Variants in DSE observed in about 807,000 individuals in gnomAD.
The protein encoded by DSE is dermatan sulfate epimerase.
A neutral mutation model predicts 84.4 loss-of-function variants in DSE; 36 were observed. That is an observed-to-expected ratio of 0.43 (90% confidence interval 0.33 to 0.56). The LOEUF (loss-of-function observed/expected upper bound fraction) is 0.56, where lower values mean the gene tolerates loss of function less well. Among genes scored for constraint, DSE ranks in the 20% least tolerant of loss-of-function variants. The pLI, the probability that DSE is intolerant of heterozygous loss-of-function variation, is 0.06. For synonymous variants in DSE, 410 were observed against 430.1 expected (o/e 0.95, Z 0.58); for missense variants, 862 against 1,169.6 (o/e 0.74, Z 3.84).
chr6:116,405,272 A>T (rs1404900547), intron 2 of DSE, among the ~76,000 whole-genome samples: 1 of 152,178 alleles, frequency 6.6e-6, no homozygotes, highest in African/African-American at 2.4e-5. Flanking sequence ...GTTAAAACTG[A>T]AAATCAAAAG....
At chr6:116,349,285 T>C (rs1778179438) in intron 2 of DSE, among the ~76,000 whole-genome samples, 1 of 152,138 alleles carries the variant, frequency 6.6e-6, no homozygotes, top group South Asian at 2.1e-4. Flanking sequence ...CAGTATGGCT[T>C]AGTGATTGGA....
intron 2 of DSE, among the ~76,000 whole-genome samples, chr6:116,300,126 A>T (rs904015392): frequency 1.3e-5 from 2 of 152,214 alleles, no homozygotes; most frequent in African/African-American, 4.8e-5. Flanking sequence ...AGACCTTCAC[A>T]TATTCCAGAA....
intron 2 of DSE, among the ~76,000 whole-genome samples, chr6:116,351,954 GTTC>G (rs1416801747): frequency 1.3e-5 from 2 of 152,124 alleles, no homozygotes; most frequent in African/African-American, 4.8e-5. Context: ...AGTAACTGCA[GTTC>G]TTCTATCCCA....
chr6:116,431,275 G>T, intron 4 of DSE, 82 bp downstream of exon 4: 1 of 1,531,760 alleles, frequency 6.5e-7, no homozygotes. Context: ...ACTAGGCAGA[G>T]AAATTAGGTC....
At chr6:116,345,260 A>T (rs892497808) in intron 2 of DSE, among the ~76,000 whole-genome samples, 10 of 152,336 alleles carry the variant, frequency 6.6e-5, no homozygotes, top group African/African-American at 2.4e-4. Flanking sequence ...GCTCTGCACC[A>T]AGCGGACCTA....
intron 2 of DSE, among the ~76,000 whole-genome samples, chr6:116,312,162 G>A (rs1775731385): frequency 6.6e-6 from 1 of 152,212 alleles, no homozygotes; most frequent in South Asian, 2.1e-4. Flanking sequence ...ATTGAGAAGG[G>A]TGTTAGGTGA....
At chr6:116,327,256 T>G (rs1217047696) in intron 2 of DSE, among the ~76,000 whole-genome samples, 1 of 152,208 alleles carries the variant, frequency 6.6e-6, no homozygotes, top group Non-Finnish European at 1.5e-5. Flanking sequence ...CTATTGACCC[T>G]TGAGGTACAG....
chr6:116,444,557 T>G lies in DSE; in HGVS notation c.*7212T>G, dbSNP rs1201420036. Reference sequence around the variant, plus strand: ...AACATTGAGCTTGCTGCAGACTGAATGTTTGCCTCCTCTCAAAATTAATAT... The same window carrying G: ...AACATTGAGCTTGCTGCAGACTGAAGGTTTGCCTCCTCTCAAAATTAATAT... On this transcript the variant is annotated 3_prime_UTR_variant, in exon 6 of 6. Coordinates refer to ENST00000644252, the MANE Select transcript of DSE (RefSeq NM_013352.4). 1 of 152,232 alleles carries G rather than the reference T, an allele frequency of 6.6e-6. No individual in the cohort carries two copies. The highest frequency in any genetic ancestry group is 6.5e-5 in the Admixed American group (1 of 15,278). The allele number at this position is 152,232 out of a possible 1,614,324, so 9.4% of individuals were successfully genotyped here. A position where few individuals can be genotyped will look rare whatever the true frequency, so the allele number is the denominator to read the frequency against.
chr6:116,432,807 A>C (rs1562310654), intron 4 of DSE: 1 of 153,310 alleles, frequency 6.5e-6, no homozygotes, highest in Middle Eastern at 3.4e-3. Context: ...AACTTCCAGC[A>C]GTACATACTG....
intron 2 of DSE, among the ~76,000 whole-genome samples, chr6:116,286,310 C>T (rs1773901435): frequency 6.6e-6 from 1 of 151,978 alleles, no homozygotes; most frequent in South Asian, 2.1e-4. Flanking sequence ...AACTCACTTT[C>T]TTAAAATGTG....
At chr6:116,383,495 C>T (rs1780373972) in intron 1 of DSE, among the ~76,000 whole-genome samples, 1 of 152,174 alleles carries the variant, frequency 6.6e-6, no homozygotes. Flanking sequence ...ATAAGGACAA[C>T]TTACTCACCT....
chr6:116,354,599 G>A (rs2114860755), intron 2 of DSE, among the ~76,000 whole-genome samples: 1 of 152,252 alleles, frequency 6.6e-6, no homozygotes, highest in South Asian at 2.1e-4. Context: ...GTATTTTCTG[G>A]CTTTTGGTGA....
chr6:116,360,591 C>A (rs1362026992), intron 2 of DSE, among the ~76,000 whole-genome samples: 1 of 151,914 alleles, frequency 6.6e-6, no homozygotes, highest in East Asian at 1.9e-4. Flanking sequence ...AACTCTCAGT[C>A]CCTTTGTAAC....
intron 2 of DSE, among the ~76,000 whole-genome samples, chr6:116,351,637 AG>A (rs1237320357): frequency 6.6e-6 from 1 of 152,196 alleles, no homozygotes; most frequent in Non-Finnish European, 1.5e-5. Context: ...TTCTGCAAAG[AG>A]GAAAAAAAAG....
intron 1 of DSE, among the ~76,000 whole-genome samples, chr6:116,390,808 C>T (rs1317611567): frequency 2.6e-5 from 4 of 152,222 alleles, no homozygotes; most frequent in South Asian, 2.1e-4. Context: ...TCATAAGTGA[C>T]GTTTGTACAC....
intron 2 of DSE, among the ~76,000 whole-genome samples, chr6:116,330,109 G>A (rs1459089553): frequency 6.6e-6 from 1 of 152,222 alleles, no homozygotes; most frequent in African/African-American, 2.4e-5. Flanking sequence ...ACAGGCGTGA[G>A]CCACTGCGCC....
chr6:116,294,111 C>T (rs1774496011), intron 2 of DSE, among the ~76,000 whole-genome samples: 1 of 152,078 alleles, frequency 6.6e-6, no homozygotes, highest in South Asian at 2.1e-4. Context: ...GCAGCCTCGA[C>T]CTCCTGGGCT....
chr6:116,316,823 C>CTGCTAT (rs1554211535), intron 2 of DSE, among the ~76,000 whole-genome samples: 2,464 of 88,300 alleles, frequency 0.028, 68 homozygotes, highest in African/African-American at 0.11. Context: ...ACTACTACTA[C>CTGCTAT]TACTATTATT....
At chr6:116,433,111 C>T (rs187554713) in intron 4 of DSE, 58 of 530,258 alleles carry the variant, frequency 1.1e-4, no homozygotes, top group Non-Finnish European at 1.7e-4. Flanking sequence ...TTACCAAGGA[C>T]AGGTTACCAC....
Sources: gnomAD v4.1 joint callset for allele counts (sites outside exome capture counted in the v4.1 genomes callset) on GRCh38, gnomAD v4.1.1 for gene constraint, MANE v1.5 for transcripts, NCBI Gene and HGNC (gene_info 2026-07-23, HGNC 2026-07-21) for gene names.